SMG6: variants seen among roughly 807,000 people sequenced by gnomAD.
The protein encoded by SMG6 is SMG6 nonsense mediated mRNA decay factor, also known as telomerase-binding protein EST1A.
A neutral mutation model predicts 142.2 loss-of-function variants in SMG6; 66 were observed. The observed-to-expected ratio is 0.46, with a 90% CI of 0.38 to 0.57. The LOEUF is 0.57. Ranked by LOEUF, SMG6 falls within the 20% of genes least tolerant of loss-of-function variation. The pLI, the probability that SMG6 is intolerant of heterozygous loss-of-function variation, is 0.00. For synonymous variants in SMG6, 779 were observed against 702.4 expected (o/e 1.11, Z -1.72); for missense variants, 1,793 against 1,832.0 (o/e 0.98, Z 0.39).
At chr17:2,254,807 G>C (rs899867800) in intron 8 of SMG6, among the ~76,000 whole-genome samples, 1 of 152,166 alleles carries the variant, frequency 6.6e-6, no homozygotes, top group Non-Finnish European at 1.5e-5. Context: ...CTTCCTCTAT[G>C]GGTAACACAG....
chr17:2,121,317 G>A (rs1213322863), intron 13 of SMG6, among the ~76,000 whole-genome samples: 1 of 152,170 alleles, frequency 6.6e-6, no homozygotes, highest in South Asian at 2.1e-4. Context: ...ATAAAAAGGA[G>A]TGAGCTACTA....
At chr17:2,104,923 T>A (rs1479979344) in intron 13 of SMG6, among the ~76,000 whole-genome samples, 1 of 151,886 alleles carries the variant, frequency 6.6e-6, no homozygotes, top group African/African-American at 2.4e-5. Context: ...CTTCAAGTCA[T>A]CTTTTTTTTT....
intron 15 of SMG6, among the ~76,000 whole-genome samples, chr17:2,073,614 C>T (rs1475017878): frequency 2.1e-5 from 3 of 144,992 alleles, no homozygotes; most frequent in African/African-American, 7.7e-5. Context: ...GAGGCTGAGG[C>T]AGGAGAATTG....
chr17:2,070,997 C>T (rs2068084712), intron 15 of SMG6, among the ~76,000 whole-genome samples: 2 of 152,244 alleles, frequency 1.3e-5, no homozygotes, highest in Admixed American at 1.3e-4. Flanking sequence ...AGGCCATGCG[C>T]TCTCCGTCTA....
intron 10 of SMG6, chr17:2,232,771 T>G (rs7217226): frequency 0.38 from 57,012 of 151,936 alleles, 10,984 homozygotes; most frequent in Middle Eastern, 0.44. Context: ...GTTTAGTTGG[T>G]TAAATAATGT....
Position 2,299,686 on chromosome 17 carries a change from G to A in SMG6, c.1067C>T (p.Ala356Val). 3 of 1,614,132 alleles carry A rather than the reference G, an allele frequency of 1.9e-6. No homozygotes were observed. The South Asian group carries it at 3.3e-5, about 18-fold the overall frequency. The change falls in exon 2 of 19, where the codon GCA becomes GTA. Residue 356 changes from alanine to valine, a missense_variant. Transcript: ENST00000263073. This position sits in a 1 kb window ranked among gnomAD's most constrained non-coding sequence, Gnocchi z 4.3. ...YRGTLRVTFD[A>V]EAMNKESPMV... ...GGGAGACTCTTTGTTCATGGCTTCT[G>A]CATCGAAAGTGACACGAAGAGTGCC...
intron 9 of SMG6, among the ~76,000 whole-genome samples, chr17:2,242,089 G>A (rs1051122004): frequency 6.6e-6 from 1 of 152,094 alleles, no homozygotes; most frequent in South Asian, 2.1e-4. Context: ...ACAGCACCAA[G>A]GGTTGGGAAA....
At chr17:2,106,981 G>A (rs1342135124) in intron 13 of SMG6, among the ~76,000 whole-genome samples, 4 of 152,094 alleles carry the variant, frequency 2.6e-5, no homozygotes, top group African/African-American at 9.7e-5. Context: ...GTGCCACCAC[G>A]CCTGGCTGAG....
At position 2,116,489 on chromosome 17, in the gene SMG6, T is replaced by C. The variant is rs545644188; in HGVS notation, c.3358-30588A>G. 4.6e-5 allele frequency among the ~76,000 whole-genome samples: 7 copies of C among 152,242 alleles called. No individual in the cohort carries two copies. In the South Asian group the frequency reaches 1.5e-3, roughly 32 times the overall value. On this transcript the variant is annotated intron_variant, in intron 13 of 18. Transcript: ENST00000263073. ...CTGTAATCCCAGCACTTTGGGAGGCTGAGGTGGGTGGGGTCAGGAGTTTGA... is the reference window on the plus strand; with the variant it reads ...CTGTAATCCCAGCACTTTGGGAGGCCGAGGTGGGTGGGGTCAGGAGTTTGA...
intron 10 of SMG6, among the ~76,000 whole-genome samples, chr17:2,220,103 T>C (rs1567693701): frequency 1.3e-5 from 2 of 152,070 alleles, no homozygotes; most frequent in African/African-American, 4.8e-5. Context: ...TGTATTTTTT[T>C]GTAGAGATGG....
intron 8 of SMG6, among the ~76,000 whole-genome samples, chr17:2,255,359 G>A (rs1288410864): frequency 7.7e-5 from 10 of 129,980 alleles, no homozygotes; most frequent in Admixed American, 1.9e-4. Flanking sequence ...AGCCGAGATC[G>A]CGCCACTGCA....
intron 10 of SMG6, among the ~76,000 whole-genome samples, chr17:2,214,728 C>A (rs981976317): frequency 6.6e-6 from 1 of 152,208 alleles, no homozygotes; most frequent in Non-Finnish European, 1.5e-5. Context: ...CCATGTGTCT[C>A]CTGGACTTTG....
chr17:2,207,634 A>G (rs2072728463), intron 10 of SMG6, among the ~76,000 whole-genome samples: 1 of 152,186 alleles, frequency 6.6e-6, no homozygotes. Context: ...TACATATATA[A>G]ACACAAATGT....
chr17:2,165,868 G>A (rs1406919330), intron 13 of SMG6, among the ~76,000 whole-genome samples: 4 of 152,130 alleles, frequency 2.6e-5, no homozygotes, highest in Non-Finnish European at 5.9e-5. Flanking sequence ...TCACACCACT[G>A]CATTCCATTC....
At chr17:2,195,222 C>T (rs946778415) in intron 10 of SMG6, among the ~76,000 whole-genome samples, 2 of 152,078 alleles carry the variant, frequency 1.3e-5, no homozygotes, top group African/African-American at 4.8e-5. Flanking sequence ...TAAAAAGGGT[C>T]GATGGTTTAC....
intron 16 of SMG6, chr17:2,065,972 C>T (rs2067931002): frequency 2.2e-6 from 1 of 464,868 alleles, no homozygotes; most frequent in African/African-American, 2.0e-5. Context: ...AATCTGGTCC[C>T]TCTATTGCAT....
intron 13 of SMG6, among the ~76,000 whole-genome samples, chr17:2,090,537 A>C (rs752707618): frequency 6.6e-6 from 1 of 152,232 alleles, no homozygotes; most frequent in East Asian, 1.9e-4. Flanking sequence ...GACTCGCTCT[A>C]TCGTTACCTG....
At chr17:2,103,626 G>A (rs1171323950) in intron 13 of SMG6, among the ~76,000 whole-genome samples, 1 of 152,188 alleles carries the variant, frequency 6.6e-6, no homozygotes, top group African/African-American at 2.4e-5. Context: ...CGGCCTCACT[G>A]AGCTTGCTCC....
At chr17:2,276,827 G>C (rs1255172138) in intron 8 of SMG6, among the ~76,000 whole-genome samples, 1 of 151,974 alleles carries the variant, frequency 6.6e-6, no homozygotes, top group Non-Finnish European at 1.5e-5. Context: ...TATTGTCCAG[G>C]CTGGAGTGCA....
Sources: allele counts gnomAD v4.1 joint callset (sites outside exome capture counted in the v4.1 genomes callset), GRCh38; gene constraint gnomAD v4.1.1; non-coding constraint Gnocchi (gnomAD v3.1); transcripts MANE v1.5; gene names NCBI Gene and HGNC (gene_info 2026-07-23, HGNC 2026-07-21).